The following L3MBTL4 variants were observed in gnomAD, a reference collection of about 807,000 sequenced individuals.
L3MBTL4 encodes the protein lethal(3)malignant brain tumor-like protein 4.
L3MBTL4 carries 70 observed loss-of-function variants against 84.5 expected under a neutral mutation model. The ratio of observed to expected loss-of-function variants is 0.83; its 90% CI spans 0.68 to 1.01. The LOEUF is 1.01. L3MBTL4 is among the 50% of genes least tolerant of loss of function. The pLI, the probability that L3MBTL4 is intolerant of heterozygous loss-of-function variation, is 0.00. For synonymous variants in L3MBTL4, 274 were observed against 259.8 expected, an observed-to-expected ratio of 1.05 and a Z score of -0.52; for missense variants, 715 against 754.8, an observed-to-expected ratio of 0.95 and a Z score of 0.62.
chr18:6,020,949 G>A (rs1372369361), intron 16 of L3MBTL4, among the ~76,000 whole-genome samples: 3 of 152,182 alleles, frequency 2.0e-5, no homozygotes, highest in East Asian at 3.8e-4. Context: ...GAGACTGGGA[G>A]AGAAGAGAGC....
intron 12 of L3MBTL4, among the ~76,000 whole-genome samples, chr18:6,173,096 A>C (rs1277618780): frequency 6.6e-6 from 1 of 152,220 alleles, no homozygotes; most frequent in Admixed American, 6.5e-5. Context: ...ACTGTGTGTT[A>C]ACAAGTGTTC....
rs1317784059 is a variant in L3MBTL4, at chr18:6,374,781, GCCA to G, written c.-91+40017_-91+40019del. Among the ~76,000 whole-genome samples the G allele has an allele frequency of 4.6e-5, 7 of 151,772 alleles. No individual in the cohort carries two copies. The East Asian group carries it at 1.4e-3, about 29-fold the overall frequency. On this transcript the variant is annotated intron_variant, in intron 1 of 18. Transcript: ENST00000317931. ...TGCCCACTGAGACCATCCCACACTC[GCCA>G]CCACCATTTCCCTCAACACTGCCAC...
At chr18:6,160,458 G>T (rs2043281866) in intron 13 of L3MBTL4, among the ~76,000 whole-genome samples, 1 of 152,192 alleles carries the variant, frequency 6.6e-6, no homozygotes, top group African/African-American at 2.4e-5. Flanking sequence ...TTGGCCAGGG[G>T]CGGTGGCTCA....
At chr18:6,182,796 G>A (rs898264574) in intron 12 of L3MBTL4, among the ~76,000 whole-genome samples, 3 of 148,874 alleles carry the variant, frequency 2.0e-5, no homozygotes, top group African/African-American at 7.5e-5. Flanking sequence ...TTGAATAGGG[G>A]AGTCCTTTAG....
At chr18:6,371,227 G>A (rs1160498494) in intron 1 of L3MBTL4, among the ~76,000 whole-genome samples, 1 of 152,226 alleles carries the variant, frequency 6.6e-6, no homozygotes, top group African/African-American at 2.4e-5. Context: ...GCCAGATGTG[G>A]CCACTAGGCT....
chr18:6,277,134 T>C (rs1599450070), intron 4 of L3MBTL4, among the ~76,000 whole-genome samples: 2 of 110,544 alleles, frequency 1.8e-5, no homozygotes, highest in East Asian at 5.9e-4. Flanking sequence ...CTGGGGACTG[T>C]TGTGGGGTGG....
chr18:6,026,916 A>G (rs1170280851), intron 16 of L3MBTL4, among the ~76,000 whole-genome samples: 3 of 152,056 alleles, frequency 2.0e-5, no homozygotes, highest in African/African-American at 7.2e-5. Context: ...TCCTCATGTT[A>G]TGTTAAATTT....
intron 12 of L3MBTL4, among the ~76,000 whole-genome samples, chr18:6,205,366 C>T (rs748388260): frequency 2.6e-5 from 4 of 152,232 alleles, no homozygotes; most frequent in Non-Finnish European, 4.4e-5. Context: ...ACCAGTGACA[C>T]TTCTGACCTA....
intron 14 of L3MBTL4, among the ~76,000 whole-genome samples, chr18:6,126,859 T>C (rs1388370830): frequency 2.6e-5 from 4 of 152,236 alleles, no homozygotes; most frequent in Non-Finnish European, 5.9e-5. Flanking sequence ...TCCTTTTGCT[T>C]ATTAAAGTAA....
chr18:6,137,540 G>A (rs896583431), intron 14 of L3MBTL4, among the ~76,000 whole-genome samples: 1 of 151,898 alleles, frequency 6.6e-6, no homozygotes, highest in Admixed American at 6.6e-5. Flanking sequence ...ACATATTTGT[G>A]TATTTGAACA....
chr18:6,188,750 C>T (rs1340251932), intron 12 of L3MBTL4, among the ~76,000 whole-genome samples: 1 of 152,354 alleles, frequency 6.6e-6, no homozygotes, highest in East Asian at 1.9e-4. Context: ...CCTGAGCTGG[C>T]TGTCATTGAG....
chr18:6,133,792 C>T (rs9956577), intron 14 of L3MBTL4, among the ~76,000 whole-genome samples: 7,943 of 152,180 alleles, frequency 0.052, 695 homozygotes, highest in African/African-American at 0.18. Flanking sequence ...GAAACTGGTA[C>T]CAGCCGCTTC....
intron 4 of L3MBTL4, among the ~76,000 whole-genome samples, chr18:6,291,883 G>T (rs57079763): frequency 6.6e-6 from 1 of 151,962 alleles, no homozygotes; most frequent in African/African-American, 2.4e-5. Flanking sequence ...TCTGTACAGC[G>T]AAAGGAACCA....
intron 4 of L3MBTL4, among the ~76,000 whole-genome samples, chr18:6,278,834 A>C (rs1033706717): frequency 3.3e-5 from 5 of 151,694 alleles, no homozygotes; most frequent in Admixed American, 3.3e-4. Context: ...TTCTATAGGG[A>C]TATATGTATT....
At chr18:5,982,201 G>A (rs1047782465) in intron 16 of L3MBTL4, among the ~76,000 whole-genome samples, 9 of 152,074 alleles carry the variant, frequency 5.9e-5, no homozygotes, top group African/African-American at 7.2e-5. Flanking sequence ...AGCTCCCACC[G>A]GAGTGAGACC....
intron 5 of L3MBTL4, among the ~76,000 whole-genome samples, chr18:6,251,994 T>C (rs1053799778): frequency 4.6e-5 from 7 of 152,066 alleles, no homozygotes; most frequent in Admixed American, 3.3e-4. Context: ...GACATGACCA[T>C]GGAATACAAT....
At position 6,093,362 on chromosome 18, in the gene L3MBTL4, G is replaced by T; in HGVS notation, c.1366C>A (p.Gln456Lys). 6.2e-7 allele frequency: 1 copy of T among 1,606,594 alleles called. No individual in the cohort carries two copies. The highest frequency in any genetic ancestry group is 1.1e-5 in the South Asian group (1 of 89,312). ...FNGKHEKVNS[Q>K]PRLVQQAKCL... is the part of the protein sequence containing the mutation. ...TTTTAAGAAGTTTCTTACCTGGGCTGACTGTTCACCTTTTCATGTTTTCCA... is the reference window on the plus strand; with the variant it reads ...TTTTAAGAAGTTTCTTACCTGGGCTTACTGTTCACCTTTTCATGTTTTCCA... The change falls in exon 15 of 19, where the codon CAG becomes AAG. Residue 456 changes from glutamine to lysine, a missense_variant. By Grantham distance (53) the Gln-to-Lys change is moderately conservative. Coordinates refer to ENST00000317931, the MANE Select transcript of L3MBTL4 (RefSeq NM_001330559.2).
At chr18:6,222,949 T>TTATAATATAATTAATATAA (rs1555694509) in intron 10 of L3MBTL4, among the ~76,000 whole-genome samples, 2 of 145,640 alleles carry the variant, frequency 1.4e-5, no homozygotes, top group African/African-American at 5.0e-5. Context: ...AATTTTTCTA[T>TTATAATATAATTAATATAA]TATAATATAA....
In L3MBTL4 at chr18:5,996,436, G is replaced by A. The variant is rs181228316; in HGVS notation, c.1445-26874C>T. ...CAGTGAGCTGTACGTTTTTGTTTTT[G>A]TTTTTGTTTTCCAAACAAGAGAAGG... is the stretch of plus-strand genomic sequence containing the variant. On this transcript the variant is annotated intron_variant, in intron 16 of 18. Coordinates refer to ENST00000317931, the MANE Select transcript of L3MBTL4 (RefSeq NM_001330559.2). 1.6e-3 allele frequency among the ~76,000 whole-genome samples: 248 copies of A among 152,254 alleles called. 1 individual carries two copies. The highest frequency in any genetic ancestry group is 5.6e-3 in the African/African-American group (232 of 41,556).
Sources: allele counts gnomAD v4.1 joint callset (sites outside exome capture counted in the v4.1 genomes callset), GRCh38; gene constraint gnomAD v4.1.1; transcripts MANE v1.5; gene names NCBI Gene and HGNC (gene_info 2026-07-23, HGNC 2026-07-21).